The following NEMP2 variants were observed in gnomAD, a reference collection of about 807,000 sequenced individuals.
NEMP2 encodes nuclear envelope integral membrane protein 2.
A neutral mutation model predicts 54.2 loss-of-function variants in NEMP2; 53 were observed. The observed-to-expected ratio is 0.98, with a 90% confidence interval of 0.78 to 1.23. The LOEUF (loss-of-function observed/expected upper bound fraction) is 1.23. Ranked by LOEUF, NEMP2 falls within the 50% of genes most tolerant of loss-of-function variation. NEMP2 has a pLI of 0.00. For synonymous variants in NEMP2, 197 were observed against 190.3 expected, an observed-to-expected ratio of 1.04 and a Z score of -0.29; for missense variants, 455 against 511.3, an observed-to-expected ratio of 0.89 and a Z score of 1.06.
At position 190,534,674 on chromosome 2, in the gene NEMP2, C is replaced by A; in HGVS notation, c.-19G>T. Reference sequence around the variant, plus strand: ...GCCCCATTTCGTTAGGGGTCAGCTCCGTGCGACCCGAGCCCTAGGGGACCG... The same window carrying A: ...GCCCCATTTCGTTAGGGGTCAGCTCAGTGCGACCCGAGCCCTAGGGGACCG... On this transcript the variant is annotated 5_prime_UTR_variant, in exon 1 of 9. Transcript: ENST00000409150. 2 of 1,263,520 alleles carry A rather than the reference C, an allele frequency of 1.6e-6. No homozygotes were observed. The highest frequency in any genetic ancestry group is 2.9e-5 in the South Asian group (1 of 34,394). 78.3% of individuals were successfully genotyped at this position (1,263,520 alleles called of 1,614,324 possible).
chr2:190,564,200 A>G, the NEMP2 span, among the ~76,000 whole-genome samples: 1 of 152,224 alleles, frequency 6.6e-6, no homozygotes, highest in South Asian at 2.1e-4. This position sits in a 1 kb window ranked among gnomAD's most constrained non-coding sequence, Gnocchi z 4.2. Context: ...ATAATAGTGG[A>G]TTTTAAGAAG....
At chr2:190,600,432 A>G in the NEMP2 span, among the ~76,000 whole-genome samples, 1 of 152,164 alleles carries the variant, frequency 6.6e-6, no homozygotes, top group African/African-American at 2.4e-5. This position sits in a 1 kb window ranked among gnomAD's most constrained non-coding sequence, Gnocchi z 4.9. Context: ...GCCAAAACTC[A>G]TGTTGAAATT....
At chr2:190,465,052 C>G in the NEMP2 span, 1 of 373,684 alleles carries the variant, frequency 2.7e-6, no homozygotes, top group Non-Finnish European at 3.7e-6. The surrounding 1 kb of genome is among the most constrained non-coding windows in gnomAD (Gnocchi z 4.6). Context: ...GAAAAAAATA[C>G]CAGTTTTATT....
At chr2:190,641,507 A>G in the NEMP2 span, 1 of 152,584 alleles carries the variant, frequency 6.6e-6, no homozygotes, top group African/African-American at 2.4e-5. Flanking sequence ...GAGAGTGGGC[A>G]CAGACTTGAC....
chr2:190,469,310 T>G, the NEMP2 span, among the ~76,000 whole-genome samples: 1 of 152,186 alleles, frequency 6.6e-6, no homozygotes, highest in Non-Finnish European at 1.5e-5. The surrounding 1 kb of genome is among the most constrained non-coding windows in gnomAD (Gnocchi z 5.3). Flanking sequence ...CATTCGTGTT[T>G]ACATATTCTC....
chr2:190,631,474 A>G, the NEMP2 span, among the ~76,000 whole-genome samples: 1 of 152,222 alleles, frequency 6.6e-6, no homozygotes, highest in Non-Finnish European at 1.5e-5. Flanking sequence ...AAAACTTTAT[A>G]TTAATATTTT....
In NEMP2 at chr2:190,525,288, C is replaced by T. The variant is rs1388876501; in HGVS notation, c.188G>A (p.Trp63Ter). The stretch of plus-strand genomic sequence containing the variant: ...CTGCATAGTTGACCATATGTATTTC[C>T]ACTCCACTTGGGAATTTTGATTGTA... ...YCYNQNSQVE[W>*]KYIWSTMQVK... is the part of the protein sequence containing the mutation. Residue 63 changes from tryptophan (W) to a stop codon, truncating the protein, a stop_gained, in exon 2 of 9, where the codon TGG becomes TAG. Transcript: ENST00000409150. LOFTEE classifies it high-confidence loss of function. The surrounding 1 kb of genome is among the most constrained non-coding windows in gnomAD (Gnocchi z 5.0). The T allele has an allele frequency of 1.3e-6, 2 of 1,548,572 alleles. No homozygotes were observed. Among genetic ancestry groups the T allele is most frequent in the Admixed American group, 2.0e-5 (1 of 50,932 alleles).
chr2:190,538,099 A>G (rs561477723), upstream of NEMP2, among the ~76,000 whole-genome samples: 2 of 152,254 alleles, frequency 1.3e-5, no homozygotes, highest in African/African-American at 2.4e-5. This position sits in a 1 kb window ranked among gnomAD's most constrained non-coding sequence, Gnocchi z 4.1. Context: ...TAAAACAGGG[A>G]AAAAAAGGCA....
At chr2:190,621,434 G>T in the NEMP2 span, among the ~76,000 whole-genome samples, 1 of 152,076 alleles carries the variant, frequency 6.6e-6, no homozygotes, top group African/African-American at 2.4e-5. Flanking sequence ...TTATATATGT[G>T]GTCTGTCATT....
At chr2:190,431,146 G>A in the NEMP2 span, among the ~76,000 whole-genome samples, 9 of 150,426 alleles carry the variant, frequency 6.0e-5, no homozygotes, top group East Asian at 1.8e-3. The surrounding 1 kb of genome is among the most constrained non-coding windows in gnomAD (Gnocchi z 4.4). Context: ...CTCAGACGAT[G>A]GGCAGCCAGG....
At chr2:190,490,235 A>G in the NEMP2 span, among the ~76,000 whole-genome samples, 4 of 151,590 alleles carry the variant, frequency 2.6e-5, no homozygotes, top group African/African-American at 9.7e-5. This position sits in a 1 kb window ranked among gnomAD's most constrained non-coding sequence, Gnocchi z 4.5. Flanking sequence ...GTGAGTGGTA[A>G]TCTTCTCTAT....
rs1690449482 is a variant in NEMP2 at position 190,513,642 on chromosome 2, T to TA, written c.953+810dup. Among the ~76,000 whole-genome samples, 1 of 152,260 alleles carries TA rather than the reference T, an allele frequency of 6.6e-6. No homozygotes were observed. The highest frequency in any genetic ancestry group is 2.1e-4 in the South Asian group (1 of 4,836). On this transcript the variant is annotated intron_variant, in intron 7 of 8. Transcript: ENST00000409150. The surrounding 1 kb of genome is among the most constrained non-coding windows in gnomAD (Gnocchi z 5.3). ...TGCTTGCTGCACTGACAGCACTGCC[T>TA]ATCTCCTGATGGTACCAAACTGGGC...
At chr2:190,579,792 G>A in the NEMP2 span, among the ~76,000 whole-genome samples, 9 of 152,206 alleles carry the variant, frequency 5.9e-5, no homozygotes, top group Admixed American at 1.3e-4. Context: ...CTTATCAGTC[G>A]TTCCTGAATA....
rs574118047 is a variant in NEMP2 at position 190,521,331 on chromosome 2, C to T, written c.214-2148G>A. On this transcript the variant is annotated intron_variant, in intron 2 of 8. Coordinates refer to ENST00000409150, the MANE Select transcript of NEMP2 (RefSeq NM_001142645.2). The surrounding 1 kb of genome is among the most constrained non-coding windows in gnomAD (Gnocchi z 6.2). The stretch of plus-strand genomic sequence containing the variant: ...ACCTACCTGTCAGCACCTGCAGGCA[C>T]ATGCTCTGCTTCCTGCCTGTGGGGA... 1.7e-4 allele frequency among the ~76,000 whole-genome samples: 26 copies of T among 152,176 alleles called. No individual in the cohort carries two copies. The highest frequency in any genetic ancestry group is 3.4e-4 in the Non-Finnish European group (23 of 68,040).
the NEMP2 span, among the ~76,000 whole-genome samples, chr2:190,541,162 T>C: frequency 7.3e-6 from 1 of 137,838 alleles, no homozygotes; most frequent in South Asian, 2.3e-4. The surrounding 1 kb of genome is among the most constrained non-coding windows in gnomAD (Gnocchi z 5.2). Flanking sequence ...AAAAAACAAT[T>C]TCATTTTATA....
chr2:190,536,435 C>T (rs1691380564), upstream of NEMP2, among the ~76,000 whole-genome samples: 1 of 152,158 alleles, frequency 6.6e-6, no homozygotes, highest in South Asian at 2.1e-4. Flanking sequence ...AAGTTGGCTA[C>T]TGCTGGGAAA....
the NEMP2 span, among the ~76,000 whole-genome samples, chr2:190,440,252 G>C: frequency 2.6e-5 from 4 of 152,148 alleles, no homozygotes; most frequent in East Asian, 7.7e-4. Flanking sequence ...TTTGAACTCA[G>C]TATTTTAACA....
chr2:190,584,874 CAACA>C, the NEMP2 span, among the ~76,000 whole-genome samples: 13 of 133,492 alleles, frequency 9.7e-5, no homozygotes, highest in Non-Finnish European at 1.7e-4. The surrounding 1 kb of genome is among the most constrained non-coding windows in gnomAD (Gnocchi z 4.2). Flanking sequence ...AGACTCAATC[CAACA>C]AACAAACAAA....
At chr2:190,439,155 C>T in the NEMP2 span, among the ~76,000 whole-genome samples, 4 of 151,852 alleles carry the variant, frequency 2.6e-5, no homozygotes, top group African/African-American at 9.7e-5. The surrounding 1 kb of genome is among the most constrained non-coding windows in gnomAD (Gnocchi z 5.8). Flanking sequence ...AATCAGATGC[C>T]TCCCTTCAGC....
Sources: allele counts gnomAD v4.1 joint callset (sites outside exome capture counted in the v4.1 genomes callset), GRCh38; gene constraint gnomAD v4.1.1; non-coding constraint Gnocchi (gnomAD v3.1); transcripts MANE v1.5; gene names NCBI Gene and HGNC (gene_info 2026-07-23, HGNC 2026-07-21).